The following EIPR1 variants were observed in gnomAD, a reference collection of about 807,000 sequenced individuals.
The protein encoded by EIPR1 is EARP and GARP complex-interacting protein 1.
In EIPR1, 25 loss-of-function variants were observed where a neutral mutation model predicts 48.1. That is an observed-to-expected ratio of 0.52 (90% CI 0.38 to 0.73). The LOEUF is 0.73. Ranked by LOEUF, EIPR1 falls within the 30% of genes least tolerant of loss-of-function variation. The pLI is 0.00. For synonymous variants in EIPR1, 204 were observed against 201.9 expected, an observed-to-expected ratio of 1.01 and a Z score of -0.09; for missense variants, 415 against 506.2, an observed-to-expected ratio of 0.82 and a Z score of 1.73.
chr2:3,343,384 G>A (rs1328706384), intron 2 of EIPR1, among the ~76,000 whole-genome samples: 3 of 152,230 alleles, frequency 2.0e-5, no homozygotes, highest in East Asian at 1.9e-4. Flanking sequence ...AAGAAACACC[G>A]TAACTAAGGT....
chr2:3,237,734 C>A (rs919205232), intron 4 of EIPR1, among the ~76,000 whole-genome samples: 2 of 152,154 alleles, frequency 1.3e-5, no homozygotes, highest in Non-Finnish European at 2.9e-5. Context: ...AAGGATTGAG[C>A]CCTTGGTGCC....
At position 3,367,107 on chromosome 2, in the gene EIPR1, T is replaced by TA. The variant is rs34760448; in HGVS notation, c.42+10540dup. 7.4e-3 allele frequency among the ~76,000 whole-genome samples: 1,062 copies of TA among 142,716 alleles called. 15 individuals are homozygous for TA. The highest frequency in any genetic ancestry group is 0.026 in the African/African-American group (989 of 38,220). The allele number at this position is 142,716 out of a possible 152,430, so 93.6% of individuals were successfully genotyped here. ...CGAAAATAAATTCAACTGATGAAAT[T>TA]AAAAAAAAAAAAAAGGGAACAACCT... On this transcript the variant is annotated intron_variant, in intron 1 of 8. Transcript: ENST00000382125.
chr2:3,324,198 C>T (rs1222190504), intron 3 of EIPR1, among the ~76,000 whole-genome samples: 1 of 152,188 alleles, frequency 6.6e-6, no homozygotes, highest in Non-Finnish European at 1.5e-5. Flanking sequence ...ACTGCACGAG[C>T]GACATGTGGC....
At chr2:3,236,581 C>T (rs893455618) in intron 4 of EIPR1, among the ~76,000 whole-genome samples, 4 of 152,206 alleles carry the variant, frequency 2.6e-5, no homozygotes, top group African/African-American at 9.7e-5. Flanking sequence ...GTGGGCAAGA[C>T]CAGGCAGGCC....
intron 3 of EIPR1, among the ~76,000 whole-genome samples, chr2:3,295,783 T>C (rs1177168709): frequency 5.7e-5 from 6 of 105,584 alleles, no homozygotes; most frequent in South Asian, 3.8e-4. Flanking sequence ...ACACCCTCCA[T>C]CCAGCCCATC....
At chr2:3,353,181 G>A (rs1300323948) in intron 2 of EIPR1, 4 of 463,536 alleles carry the variant, frequency 8.6e-6, no homozygotes, top group Non-Finnish European at 1.8e-5. Context: ...GAAAAAGCAT[G>A]ATATGTTTAG....
chr2:3,208,834 G>T (rs1387918875), intron 5 of EIPR1: 1 of 1,549,000 alleles, frequency 6.5e-7, no homozygotes, highest in South Asian at 1.2e-5. Flanking sequence ...GGCAGGTGCA[G>T]GTGTCTGGGG....
At chr2:3,345,603 C>T (rs1364490112) in intron 2 of EIPR1, among the ~76,000 whole-genome samples, 1 of 148,872 alleles carries the variant, frequency 6.7e-6, no homozygotes, top group Non-Finnish European at 1.5e-5. Flanking sequence ...CCAGCCTAGG[C>T]AATAGAGCGA....
chr2:3,190,932 T>C (rs777325607), intron 8 of EIPR1, among the ~76,000 whole-genome samples: 2 of 144,454 alleles, frequency 1.4e-5, no homozygotes, highest in Non-Finnish European at 3.0e-5. Context: ...CAAAACTCTG[T>C]CTCTACAAAA....
In EIPR1 at chr2:3,339,673, GCGCGGTGGCTCA is replaced by G. The variant is rs570581869; in HGVS notation, c.127-1536_127-1525del. On this transcript the variant is annotated intron_variant, in intron 2 of 8. Coordinates refer to ENST00000382125, the MANE Select transcript of EIPR1 (RefSeq NM_003310.5). Reference sequence around the variant, plus strand: ...TTTAAAAGTGAGTGGCATGGGCTGGGCGCGGTGGCTCACGCCTGTAATTGTAGCACTTTGGGA... The same window carrying G: ...TTTAAAAGTGAGTGGCATGGGCTGGGCGCCTGTAATTGTAGCACTTTGGGA... 8.6e-4 allele frequency among the ~76,000 whole-genome samples: 131 copies of G among 152,356 alleles called. 1 individual carries two copies. The highest frequency in any genetic ancestry group is 3.1e-3 in the African/African-American group (127 of 41,578).
chr2:3,228,080 C>T (rs1666121778), intron 4 of EIPR1, among the ~76,000 whole-genome samples: 1 of 152,236 alleles, frequency 6.6e-6, no homozygotes, highest in Non-Finnish European at 1.5e-5. Context: ...AAGAGGGCCA[C>T]CATCCTCCAG....
At chr2:3,246,723 C>G (rs1215071131) in intron 4 of EIPR1, among the ~76,000 whole-genome samples, 1 of 147,306 alleles carries the variant, frequency 6.8e-6, no homozygotes, top group Non-Finnish European at 1.5e-5. Context: ...CTCCTCCCTG[C>G]CGGGGTGGTA....
At position 3,358,538 on chromosome 2, in the gene EIPR1, G is replaced by A. The variant is rs1460622933; in HGVS notation, c.43-3905C>T. Among the ~76,000 whole-genome samples the A allele has an allele frequency of 3.9e-5, 6 of 152,118 alleles. No individual in the cohort carries two copies. In the East Asian group the frequency reaches 5.8e-4, roughly 15 times the overall value. On this transcript the variant is annotated intron_variant, in intron 1 of 8. Transcript: ENST00000382125. The stretch of plus-strand genomic sequence containing the variant: ...AGATACATTTAAGGGTCCCACTGTC[G>A]GTATTCCTCTACCCTCTGCTGCAAC...
intron 3 of EIPR1, among the ~76,000 whole-genome samples, chr2:3,335,746 G>A (rs1670022967): frequency 1.3e-5 from 2 of 152,170 alleles, no homozygotes; most frequent in African/African-American, 2.4e-5. Flanking sequence ...GTTTGAAGGT[G>A]TGTGGCTCTT....
chr2:3,310,689 A>G (rs1173833187), intron 3 of EIPR1, among the ~76,000 whole-genome samples: 1 of 150,620 alleles, frequency 6.6e-6, no homozygotes, highest in Non-Finnish European at 1.5e-5. Context: ...TTGATAATTT[A>G]AAACTAAAAA....
chr2:3,252,072 C>T (rs1667015890), intron 4 of EIPR1, among the ~76,000 whole-genome samples: 2 of 152,214 alleles, frequency 1.3e-5, no homozygotes, highest in South Asian at 4.1e-4. Flanking sequence ...AGCAAAGGGG[C>T]CTCGTTCACA....
chr2:3,253,960 G>T (rs532206972), intron 4 of EIPR1, among the ~76,000 whole-genome samples: 1 of 152,178 alleles, frequency 6.6e-6, no homozygotes, highest in East Asian at 1.9e-4. Context: ...ATGGCAGCTG[G>T]AGTGGTAGCG....
intron 5 of EIPR1, among the ~76,000 whole-genome samples, chr2:3,199,060 G>GCCCCCCCCCCCCCCC (rs1214394853): frequency 4.3e-5 from 1 of 23,340 alleles, no homozygotes; most frequent in African/African-American, 1.7e-4. Context: ...CATTTTAGAG[G>GCCCCCCCCCCCCCCC]GCCCCCCCCC....
In EIPR1 at chr2:3,377,713, C is replaced by T. The variant is rs1299597531; in HGVS notation, c.-24G>A. 10 of 1,570,388 alleles carry T rather than the reference C, an allele frequency of 6.4e-6. No individual in the cohort carries two copies. The highest frequency in any genetic ancestry group is 8.6e-6 in the Non-Finnish European group (10 of 1,157,336). On this transcript the variant is annotated 5_prime_UTR_variant, in exon 1 of 9. Coordinates refer to ENST00000382125, the MANE Select transcript of EIPR1 (RefSeq NM_003310.5). ...ATGCTGCGGGGAAGCGACCCGACCC[C>T]GGCCACTCACACGCTAAGGACCTCG...
Sources: gnomAD v4.1 joint callset for allele counts (sites outside exome capture counted in the v4.1 genomes callset) on GRCh38, gnomAD v4.1.1 for gene constraint, MANE v1.5 for transcripts, NCBI Gene and HGNC (gene_info 2026-07-23, HGNC 2026-07-21) for gene names.